MBD5: variants seen among roughly 807,000 people sequenced by gnomAD.
The protein encoded by MBD5 is methyl-CpG-binding domain protein 5.
MBD5 carries 13 observed loss-of-function variants against 117.3 expected under a neutral mutation model. The ratio of observed to expected loss-of-function variants is 0.11; its 90% CI spans 0.07 to 0.18. The LOEUF is 0.18. MBD5 is among the 10% of genes least tolerant of loss of function. The probability of loss-of-function intolerance (pLI) is 1.00; values close to 1 mark genes in which losing one functional copy is unlikely to be tolerated. For synonymous variants in MBD5, 727 were observed against 766.4 expected, an observed-to-expected ratio of 0.95 and a Z score of 0.85; for missense variants, 1,879 against 2,093.8, an observed-to-expected ratio of 0.90 and a Z score of 2.00.
rs964350870 is a variant in MBD5, at chr2:148,327,488, G to A, written c.-679-14726G>A. Among the ~76,000 whole-genome samples, 6 of 152,114 alleles carry A rather than the reference G, an allele frequency of 3.9e-5. No individual in the cohort carries two copies. In the East Asian group the frequency reaches 9.6e-4, roughly 24 times the overall value. On this transcript the variant is annotated intron_variant, in intron 3 of 13. Transcript: ENST00000642680. The stretch of plus-strand genomic sequence containing the variant: ...TCACTTTCAGGTACACCAGTCAGAC[G>A]TAGATTTGGTCTTTTCACATAGTCC...
chr2:148,074,938 T>C (rs139243315), intron 1 of MBD5, among the ~76,000 whole-genome samples: 114 of 152,244 alleles, frequency 7.5e-4, no homozygotes, highest in African/African-American at 2.7e-3. Context: ...AAAGACCTCC[T>C]CTAGAGAGGA....
At chr2:148,096,629 G>A (rs1696076503) in intron 1 of MBD5, among the ~76,000 whole-genome samples, 1 of 152,050 alleles carries the variant, frequency 6.6e-6, no homozygotes, top group African/African-American at 2.4e-5. Context: ...TGTCTTTGAA[G>A]TATTATGGGG....
At chr2:148,389,344 T>A (rs1421527517) in intron 4 of MBD5, among the ~76,000 whole-genome samples, 1 of 137,724 alleles carries the variant, frequency 7.3e-6, no homozygotes, top group Non-Finnish European at 1.6e-5. Flanking sequence ...TTGATGGCAC[T>A]TAGCTTGATT....
At chr2:148,312,492 A>C (rs1284110558) in intron 3 of MBD5, among the ~76,000 whole-genome samples, 1 of 152,030 alleles carries the variant, frequency 6.6e-6, no homozygotes, top group East Asian at 1.9e-4. Context: ...TGTGTTTTTC[A>C]GCTCCATCAG....
chr2:148,285,183 A>C lies in MBD5; in HGVS notation c.-680+51788A>C, dbSNP rs139511689. Among the ~76,000 whole-genome samples the C allele has an allele frequency of 1.2e-4, 18 of 152,356 alleles. No homozygotes were observed. The East Asian group carries it at 3.5e-3, about 29-fold the overall frequency. On this transcript the variant is annotated intron_variant, in intron 3 of 13. Coordinates refer to ENST00000642680, the MANE Select transcript of MBD5 (RefSeq NM_001378120.1). ...AGCTACTTTCCCCATCTGCTCTTCA[A>C]ACAAATAGACAGCTTAGTTTACAGC...
At chr2:148,239,019 T>C (rs55886842) in intron 3 of MBD5, among the ~76,000 whole-genome samples, 174 of 149,860 alleles carry the variant, frequency 1.2e-3, no homozygotes, top group African/African-American at 3.8e-3. Flanking sequence ...ATATATTATA[T>C]ACACACACAC....
At chr2:148,313,401 C>A (rs1203207147) in intron 3 of MBD5, among the ~76,000 whole-genome samples, 1 of 152,214 alleles carries the variant, frequency 6.6e-6, no homozygotes, top group African/African-American at 2.4e-5. Flanking sequence ...CTTTGCCAAG[C>A]TGTGGTGGGC....
At chr2:148,093,113 G>T (rs781539772) in intron 1 of MBD5, among the ~76,000 whole-genome samples, 1 of 152,088 alleles carries the variant, frequency 6.6e-6, no homozygotes, top group Non-Finnish European at 1.5e-5. Flanking sequence ...GTTTCACCAT[G>T]TTGGTCAGGC....
In MBD5 at chr2:148,303,006, G is replaced by A. The variant is rs547039722; in HGVS notation, c.-679-39208G>A. On this transcript the variant is annotated intron_variant, in intron 3 of 13. Transcript: ENST00000642680. ...TATATTATATATATTTATTTGAAGA[G>A]CTATTCAAAAATAAAATTTGAAGAT... is the stretch of plus-strand genomic sequence containing the variant. Among the ~76,000 whole-genome samples, 9 of 149,714 alleles carry A rather than the reference G, an allele frequency of 6.0e-5. No homozygotes were observed. In the South Asian group the frequency reaches 1.9e-3, roughly 31 times the overall value.
chr2:148,159,952 C>A (rs1254444522), intron 1 of MBD5, among the ~76,000 whole-genome samples: 1 of 152,186 alleles, frequency 6.6e-6, no homozygotes, highest in East Asian at 1.9e-4. Context: ...AGGCAGCAAT[C>A]AAAATTGGCA....
Position 148,470,515 on chromosome 2 carries a change from T to A in MBD5, c.2518+54T>A, listed in dbSNP as rs754801454. The A allele has an allele frequency of 7.0e-5, 98 of 1,409,502 alleles. No individual in the cohort carries two copies. The East Asian group carries it at 1.2e-3, about 17-fold the overall frequency. The allele number at this position is 1,409,502 out of a possible 1,614,324, so 87.3% of individuals were successfully genotyped here. On this transcript the variant is annotated intron_variant, in intron 8 of 13. Coordinates refer to ENST00000642680, the MANE Select transcript of MBD5 (RefSeq NM_001378120.1). ...AAGGTACTAAACTTTTCTACTTTTT[T>A]AAAAAATTTGTACCAAAATATTTAT...
intron 3 of MBD5, among the ~76,000 whole-genome samples, chr2:148,298,404 G>A (rs1000507673): frequency 6.6e-6 from 1 of 152,174 alleles, no homozygotes; most frequent in Non-Finnish European, 1.5e-5. Context: ...GAGTGGGAGT[G>A]AGGAAGGCAG....
At chr2:148,071,706 C>T (rs1695363249) in intron 1 of MBD5, 1 of 152,178 alleles carries the variant, frequency 6.6e-6, no homozygotes, top group Non-Finnish European at 1.5e-5. Flanking sequence ...TTTTCTCCGG[C>T]TTCCCTCTGT....
chr2:148,437,270 C>T (rs756272180), intron 4 of MBD5, among the ~76,000 whole-genome samples: 4 of 152,150 alleles, frequency 2.6e-5, no homozygotes, highest in Non-Finnish European at 5.9e-5. Flanking sequence ...CATGAGCCAC[C>T]ACGCCCAGCC....
At chr2:148,437,814 G>A (rs922746141) in intron 4 of MBD5, among the ~76,000 whole-genome samples, 5 of 152,092 alleles carry the variant, frequency 3.3e-5, no homozygotes, top group Non-Finnish European at 7.3e-5. Context: ...TTTGCACCCA[G>A]CTTTATGACT....
chr2:148,259,944 T>C (rs1700693313), intron 3 of MBD5, among the ~76,000 whole-genome samples: 1 of 152,166 alleles, frequency 6.6e-6, no homozygotes, highest in Non-Finnish European at 1.5e-5. Flanking sequence ...AAAAAGCTAA[T>C]GATCACCTGA....
chr2:148,421,893 C>A (rs1477296960), intron 4 of MBD5, among the ~76,000 whole-genome samples: 1 of 152,228 alleles, frequency 6.6e-6, no homozygotes, highest in South Asian at 2.1e-4. Context: ...TTCCTCCTCT[C>A]TGGGCAGGGC....
chr2:148,428,522 A>G (rs1050694933), intron 4 of MBD5, among the ~76,000 whole-genome samples: 28 of 152,192 alleles, frequency 1.8e-4, no homozygotes, highest in African/African-American at 6.8e-4. Flanking sequence ...ACCAAAAAAG[A>G]GCCCTTATAG....
At chr2:148,033,709 G>A (rs1036867548) in intron 1 of MBD5, among the ~76,000 whole-genome samples, 1 of 152,158 alleles carries the variant, frequency 6.6e-6, no homozygotes, top group African/African-American at 2.4e-5. Flanking sequence ...CCACATAACA[G>A]TTGATGAATT....
Sources: gnomAD v4.1 joint callset for allele counts (sites outside exome capture counted in the v4.1 genomes callset) on GRCh38, gnomAD v4.1.1 for gene constraint, MANE v1.5 for transcripts, NCBI Gene and HGNC (gene_info 2026-07-23, HGNC 2026-07-21) for gene names.